KCNQ3: variants seen among roughly 807,000 people sequenced by gnomAD.
KCNQ3 encodes the protein potassium voltage-gated channel subfamily Q member 3.
In KCNQ3, 30 loss-of-function variants were observed where a neutral mutation model predicts 92.5. The ratio of observed to expected loss-of-function variants is 0.32; its 90% CI spans 0.24 to 0.44. KCNQ3 has a LOEUF of 0.44. Ranked by LOEUF, KCNQ3 falls within the 20% of genes least tolerant of loss-of-function variation. KCNQ3 has a pLI of 1.00. For missense variants in KCNQ3, 913 were observed against 1,140.3 expected (o/e 0.80, Z 2.87); for synonymous variants, 450 against 468.8 (o/e 0.96, Z 0.52).
Position 132,384,070 on chromosome 8 carries a change from C to A in KCNQ3, c.386+96077G>T, listed in dbSNP as rs908556310. Among the ~76,000 whole-genome samples the A allele has an allele frequency of 2.1e-4, 32 of 152,156 alleles. 1 individual carries two copies. The highest frequency in any genetic ancestry group is 7.5e-4 in the African/African-American group (31 of 41,428). Reference sequence around the variant, plus strand: ...TGTTTCCTGACAAATTCCTATGCATCCTTCAAACCCCAAATCAGAGTTCAC... The same window carrying A: ...TGTTTCCTGACAAATTCCTATGCATACTTCAAACCCCAAATCAGAGTTCAC... On this transcript the variant is annotated intron_variant, in intron 1 of 14. Coordinates refer to ENST00000388996, the MANE Select transcript of KCNQ3 (RefSeq NM_004519.4).
chr8:132,344,578 A>C (rs889439061), intron 1 of KCNQ3, among the ~76,000 whole-genome samples: 1 of 152,218 alleles, frequency 6.6e-6, no homozygotes, highest in Admixed American at 6.5e-5. Context: ...GGCCTGGAGG[A>C]GTAAAGAAAC....
intron 1 of KCNQ3, among the ~76,000 whole-genome samples, chr8:132,321,004 A>C (rs900897383): frequency 1.3e-5 from 2 of 152,226 alleles, no homozygotes; most frequent in African/African-American, 2.4e-5. Flanking sequence ...ACCCATAGAG[A>C]GTTCATATTC....
chr8:132,199,912 A>G (rs77767541), intron 1 of KCNQ3, among the ~76,000 whole-genome samples: 1 of 76,874 alleles, frequency 1.3e-5, no homozygotes, highest in East Asian at 2.3e-4. Context: ...TCAGTCTCCA[A>G]AAAAAAAAAA....
intron 1 of KCNQ3, among the ~76,000 whole-genome samples, chr8:132,219,260 G>T (rs1382695214): frequency 6.6e-6 from 1 of 152,094 alleles, no homozygotes; most frequent in Non-Finnish European, 1.5e-5. Flanking sequence ...CAAGCTCCTG[G>T]GTGATGCCAA....
In KCNQ3 at chr8:132,217,710, C is replaced by CAAAAA. The variant is rs1170925572; in HGVS notation, c.387-31534_387-31530dup. Among the ~76,000 whole-genome samples the CAAAAA allele has an allele frequency of 3.3e-3, 217 of 66,120 alleles. 5 individuals are homozygous for CAAAAA. The highest frequency in any genetic ancestry group is 0.01 in the Middle Eastern group (1 of 96). 43.4% of individuals were successfully genotyped at this position (66,120 alleles called of 152,430 possible). ...TGGGCGACAGAGTGAGGCTCTGTCTCAAAAAAAAAAAAAAAAAAAACAAAA... is the reference window on the plus strand; with the variant it reads ...TGGGCGACAGAGTGAGGCTCTGTCTCAAAAAAAAAAAAAAAAAAAAAAAAACAAAA... On this transcript the variant is annotated intron_variant, in intron 1 of 14. Transcript: ENST00000388996.
At chr8:132,278,018 T>A (rs1004834120) in intron 1 of KCNQ3, 1 of 985,236 alleles carries the variant, frequency 1.0e-6, no homozygotes. Context: ...TAGGCAGGAA[T>A]TCAAGGCTAC....
At chr8:132,408,196 T>C (rs1324993613) in intron 1 of KCNQ3, among the ~76,000 whole-genome samples, 1 of 151,344 alleles carries the variant, frequency 6.6e-6, no homozygotes, top group African/African-American at 2.4e-5. Flanking sequence ...ATGTACAACA[T>C]GGAATCGTTT....
chr8:132,352,056 T>C (rs1167554633), intron 1 of KCNQ3, among the ~76,000 whole-genome samples: 1 of 152,188 alleles, frequency 6.6e-6, no homozygotes, highest in East Asian at 1.9e-4. Flanking sequence ...GCTCGTTTTA[T>C]GAATTAACTC....
intron 9 of KCNQ3, among the ~76,000 whole-genome samples, chr8:132,147,268 T>C (rs559530677): frequency 1.4e-4 from 22 of 152,288 alleles, no homozygotes; most frequent in Admixed American, 1.2e-3. Flanking sequence ...GGAAAAAGAT[T>C]GATAAATAAC....
At chr8:132,282,154 A>T (rs12550408) in intron 1 of KCNQ3, among the ~76,000 whole-genome samples, 67,022 of 152,038 alleles carry the variant, frequency 0.44, 16,636 homozygotes, top group East Asian at 0.68. Flanking sequence ...ACCATGAGAT[A>T]AAGAACTGGT....
rs536278497 is a variant in KCNQ3, at chr8:132,272,367, T to C, written c.387-86186A>G. On this transcript the variant is annotated intron_variant, in intron 1 of 14. Transcript: ENST00000388996. ...CTCACAATTGGTTCATGGGCCCACA[T>C]GGCCAAAGCTACCCTTTCTGTAGCC... Among the ~76,000 whole-genome samples, 8 of 152,328 alleles carry C rather than the reference T, an allele frequency of 5.3e-5. No individual in the cohort carries two copies. The East Asian group carries it at 1.5e-3, about 29-fold the overall frequency.
At chr8:132,174,409 T>A in intron 5 of KCNQ3, 60 bp from the exon 6 acceptor site, 1 of 1,258,968 alleles carries the variant, frequency 7.9e-7, no homozygotes, top group Non-Finnish European at 1.1e-6. Context: ...AGGAACGTGT[T>A]AACTGAGCTC....
At chr8:132,369,158 T>C (rs1189576051) in intron 1 of KCNQ3, among the ~76,000 whole-genome samples, 1 of 152,192 alleles carries the variant, frequency 6.6e-6, no homozygotes, top group Non-Finnish European at 1.5e-5. Context: ...TCTCATTACA[T>C]CATATCAAGA....
At chr8:132,442,857 TC>T (rs1271357743) in intron 1 of KCNQ3, among the ~76,000 whole-genome samples, 1 of 152,186 alleles carries the variant, frequency 6.6e-6, no homozygotes, top group Non-Finnish European at 1.5e-5. Flanking sequence ...TTTTCTCTCT[TC>T]TAGATTTAGA....
chr8:132,295,975 T>A (rs1817008880), intron 1 of KCNQ3, among the ~76,000 whole-genome samples: 2 of 152,194 alleles, frequency 1.3e-5, no homozygotes, highest in Non-Finnish European at 2.9e-5. Context: ...CAAACCACCA[T>A]GGCACACATT....
intron 1 of KCNQ3, among the ~76,000 whole-genome samples, chr8:132,370,184 G>A (rs1204398756): frequency 6.6e-6 from 1 of 152,106 alleles, no homozygotes; most frequent in African/African-American, 2.4e-5. Context: ...CCACACACAG[G>A]AAGCACTCAA....
chr8:132,285,634 C>G (rs1401205913), intron 1 of KCNQ3, among the ~76,000 whole-genome samples: 1 of 152,184 alleles, frequency 6.6e-6, no homozygotes, highest in Non-Finnish European at 1.5e-5. Context: ...GAATGAAGAA[C>G]GTCTTCAGGA....
At chr8:132,262,047 T>C (rs1481248117) in intron 1 of KCNQ3, among the ~76,000 whole-genome samples, 2 of 152,190 alleles carry the variant, frequency 1.3e-5, no homozygotes, top group Non-Finnish European at 2.9e-5. Flanking sequence ...AAAGTACTGA[T>C]ACATGCTACA....
At chr8:132,326,792 T>C (rs745841416) in intron 1 of KCNQ3, among the ~76,000 whole-genome samples, 21 of 152,230 alleles carry the variant, frequency 1.4e-4, no homozygotes, top group Non-Finnish European at 2.6e-4. Flanking sequence ...TAAAGTTATG[T>C]TCTTTATAAA....
Sources: gnomAD v4.1 joint callset for allele counts (sites outside exome capture counted in the v4.1 genomes callset) on GRCh38, gnomAD v4.1.1 for gene constraint, MANE v1.5 for transcripts, NCBI Gene and HGNC (gene_info 2026-07-23, HGNC 2026-07-21) for gene names.